Variants in ITGA8 observed in about 807,000 individuals in gnomAD.
The protein encoded by ITGA8 is integrin alpha-8.
In ITGA8, 91 loss-of-function variants were observed where a neutral mutation model predicts 142.3. The observed-to-expected ratio is 0.64, with a 90% CI of 0.54 to 0.76. The LOEUF is 0.76. Ranked by LOEUF, ITGA8 falls within the 30% of genes least tolerant of loss-of-function variation. The pLI is 0.00. For synonymous variants in ITGA8, 505 were observed against 485.2 expected (o/e 1.04, Z -0.54); for missense variants, 1,406 against 1,327.7 (o/e 1.06, Z -0.92).
chr10:15,719,565 G>A lies in ITGA8; in HGVS notation c.207C>T (p.Arg69=). The A allele has an allele frequency of 6.4e-7, 1 of 1,562,608 alleles. No individual in the cohort carries two copies. Among genetic ancestry groups the A allele is most frequent in the African/African-American group, 1.4e-5 (1 of 70,972 alleles). Reference sequence around the variant, plus strand: ...CCTCCCCGGGTCGGGCGACTTACGTGCGGGCGTCGGGTATGTGGAAGTCCA... The same window carrying A: ...CCTCCCCGGGTCGGGCGACTTACGTACGGGCGTCGGGTATGTGGAAGTCCA... The part of the protein sequence containing the change: ...YAVDFHIPDA[R]TASVLVGAPK... Residue 69 remains arginine (R), a splice_region_variant and synonymous_variant, in exon 1 of 30, where the codon CGC becomes CGT. Transcript: ENST00000378076.
intron 2 of ITGA8, among the ~76,000 whole-genome samples, chr10:15,699,245 C>A (rs1835113854): frequency 6.6e-6 from 1 of 152,206 alleles, no homozygotes; most frequent in Non-Finnish European, 1.5e-5. Flanking sequence ...GATTACACCA[C>A]TGTACTCTAG....
chr10:15,557,636 A>G (rs1588642977), intron 26 of ITGA8, among the ~76,000 whole-genome samples: 1 of 152,306 alleles, frequency 6.6e-6, no homozygotes, highest in East Asian at 1.9e-4. Context: ...TACAGGTGTG[A>G]GCCACCATAC....
chr10:15,715,505 C>T (rs1433992010), intron 2 of ITGA8, among the ~76,000 whole-genome samples: 1 of 152,180 alleles, frequency 6.6e-6, no homozygotes, highest in Non-Finnish European at 1.5e-5. Context: ...CTATTCCAGT[C>T]CTGCCTCTAC....
chr10:15,537,817 T>G (rs1833477728), intron 27 of ITGA8, among the ~76,000 whole-genome samples: 1 of 152,100 alleles, frequency 6.6e-6, no homozygotes, highest in East Asian at 1.9e-4. Context: ...TTCCAACTCT[T>G]GGATAAAAAG....
At chr10:15,593,114 G>A (rs1262295104) in intron 21 of ITGA8, among the ~76,000 whole-genome samples, 6 of 152,152 alleles carry the variant, frequency 3.9e-5, no homozygotes, top group South Asian at 2.1e-4. Context: ...ACAGGAGTGC[G>A]GATGCGCTAT....
chr10:15,517,664 A>T (rs551506379), intron 29 of ITGA8, among the ~76,000 whole-genome samples: 14 of 152,334 alleles, frequency 9.2e-5, no homozygotes, highest in Admixed American at 7.8e-4. Flanking sequence ...CTGCACGTAT[A>T]ATCAGTCTGT....
intron 8 of ITGA8, among the ~76,000 whole-genome samples, chr10:15,663,925 A>T (rs1343729959): frequency 6.6e-6 from 1 of 152,170 alleles, no homozygotes; most frequent in Admixed American, 6.6e-5. Context: ...CATGTTTTAC[A>T]GTTTCCTTTG....
In ITGA8 at chr10:15,571,819, C is replaced by G. The variant is rs574343188; in HGVS notation, c.2637+392G>C. 6.6e-5 allele frequency among the ~76,000 whole-genome samples: 10 copies of G among 152,330 alleles called. No individual in the cohort carries two copies. The South Asian group carries it at 2.1e-3, about 32-fold the overall frequency. The stretch of plus-strand genomic sequence containing the variant: ...CTATGGGCTGCAGCTGGAAGAGCCT[C>G]TTTTGGCAAAGATCCTTACGAAATT... On this transcript the variant is annotated intron_variant, in intron 25 of 29. Coordinates refer to ENST00000378076, the MANE Select transcript of ITGA8 (RefSeq NM_003638.3).
chr10:15,679,392 G>A (rs1165054394), intron 4 of ITGA8, among the ~76,000 whole-genome samples: 2 of 152,240 alleles, frequency 1.3e-5, no homozygotes, highest in East Asian at 3.9e-4. Flanking sequence ...AGACCATCCT[G>A]GCCAACATGG....
rs4030579 is a variant in ITGA8 at position 15,635,918 on chromosome 10, T to TACACACACACACAC, written c.1399+8098_1399+8111dup. Among the ~76,000 whole-genome samples the TACACACACACACAC allele has an allele frequency of 2.9e-3, 410 of 143,118 alleles. 5 individuals are homozygous for TACACACACACACAC. The highest frequency in any genetic ancestry group is 0.024 in the Admixed American group (336 of 14,156). 93.9% of individuals were successfully genotyped at this position (143,118 alleles called of 152,430 possible). On this transcript the variant is annotated intron_variant, in intron 13 of 29. Coordinates refer to ENST00000378076, the MANE Select transcript of ITGA8 (RefSeq NM_003638.3). ...TTCTGTGTTACTTGTTTGCTTATACTACACACACACACACACACACACACA... is the reference window on the plus strand; with the variant it reads ...TTCTGTGTTACTTGTTTGCTTATACTACACACACACACACACACACACACACACACACACACACA...
intron 8 of ITGA8, among the ~76,000 whole-genome samples, chr10:15,671,170 G>T (rs566236237): frequency 1.2e-3 from 183 of 152,288 alleles, no homozygotes; most frequent in Non-Finnish European, 2.2e-3. Context: ...GTTATTTGGG[G>T]TTTTGGTATG....
At chr10:15,628,077 G>T (rs568339895) in intron 13 of ITGA8, among the ~76,000 whole-genome samples, 7 of 151,922 alleles carry the variant, frequency 4.6e-5, no homozygotes, top group Non-Finnish European at 1.0e-4. Flanking sequence ...CCATGACAAC[G>T]TAAGAAAATT....
At chr10:15,523,894 T>C (rs1477582818) in intron 28 of ITGA8, among the ~76,000 whole-genome samples, 2 of 152,020 alleles carry the variant, frequency 1.3e-5, no homozygotes, top group Admixed American at 1.3e-4. Flanking sequence ...ATCGCACCAC[T>C]GCACTCCAGC....
intron 29 of ITGA8, 67 bp downstream of exon 29, chr10:15,519,223 C>A: frequency 1.3e-6 from 2 of 1,575,828 alleles, no homozygotes; most frequent in Non-Finnish European, 8.6e-7. Flanking sequence ...AAATCCCTAA[C>A]TGTATCCCTC....
At chr10:15,626,497 A>C (rs1588683408) in intron 13 of ITGA8, among the ~76,000 whole-genome samples, 1 of 152,014 alleles carries the variant, frequency 6.6e-6, no homozygotes, top group African/African-American at 2.4e-5. Flanking sequence ...GGGATTACAG[A>C]CATGAGCCAC....
intron 2 of ITGA8, among the ~76,000 whole-genome samples, chr10:15,710,144 G>A (rs1483322131): frequency 6.6e-6 from 1 of 152,036 alleles, no homozygotes. Context: ...GAAAAAAAAT[G>A]CATGAGAAAA....
rs564819424 is a variant in ITGA8 at position 15,661,253 on chromosome 10, A to G, written c.848-331T>C. 3.7e-4 allele frequency among the ~76,000 whole-genome samples: 56 copies of G among 152,310 alleles called. No individual in the cohort carries two copies. In the South Asian group the frequency reaches 0.011, roughly 30 times the overall value. ...ATGTTCTCACCAGAGTGAGAACCCT[A>G]TTGTGAACTGTGCACACAGGGGATC... On this transcript the variant is annotated intron_variant, in intron 8 of 29. Transcript: ENST00000378076.
intron 8 of ITGA8, among the ~76,000 whole-genome samples, chr10:15,667,759 C>G (rs1238424074): frequency 1.3e-5 from 2 of 151,878 alleles, no homozygotes; most frequent in Non-Finnish European, 2.9e-5. Context: ...TTTATTTCTG[C>G]CTTCATTTCG....
intron 13 of ITGA8, among the ~76,000 whole-genome samples, chr10:15,637,104 C>T (rs981391657): frequency 3.3e-5 from 5 of 152,176 alleles, no homozygotes; most frequent in African/African-American, 9.6e-5. Flanking sequence ...GAGATTGTGA[C>T]GCTGCACTCC....
Sources: gnomAD v4.1 joint callset for allele counts (sites outside exome capture counted in the v4.1 genomes callset) on GRCh38, gnomAD v4.1.1 for gene constraint, MANE v1.5 for transcripts, NCBI Gene and HGNC (gene_info 2026-07-23, HGNC 2026-07-21) for gene names.